The following TAAR5 variants were observed in gnomAD, a reference collection of about 807,000 sequenced individuals.
TAAR5 encodes the protein trace amine-associated receptor 5.
In TAAR5, 27 loss-of-function variants were observed where a neutral mutation model predicts 21.1. The observed-to-expected ratio is 1.28, with a 90% CI of 0.94 to 1.76. TAAR5 has a LOEUF of 1.76. TAAR5 is among the 40% of genes most tolerant of loss of function. The pLI is 0.00. For synonymous variants in TAAR5, 203 were observed against 167.5 expected (o/e 1.21, Z -1.64); for missense variants, 495 against 405.6 (o/e 1.22, Z -1.89).
chr6:132,593,696 G>C (rs1776937993), upstream of TAAR5, among the ~76,000 whole-genome samples: 1 of 152,190 alleles, frequency 6.6e-6, no homozygotes, highest in African/African-American at 2.4e-5. Context: ...TCCCCACTAT[G>C]TGTACACACA....
upstream of TAAR5, among the ~76,000 whole-genome samples, chr6:132,590,139 A>T (rs1181858372): frequency 6.6e-6 from 1 of 152,216 alleles, no homozygotes; most frequent in African/African-American, 2.4e-5. Context: ...GAACCAAGTG[A>T]CCAATTAATT....
the TAAR5 span, among the ~76,000 whole-genome samples, chr6:132,607,144 G>A: frequency 3.9e-5 from 6 of 152,200 alleles, no homozygotes; most frequent in East Asian, 1.9e-4. Flanking sequence ...GCAGTGAGCC[G>A]AGATTGTGCC....
rs773257044 is a variant in TAAR5 at position 132,589,481 on chromosome 6, G to T, written c.206C>A (p.Thr69Asn). 3.1e-6 allele frequency: 5 copies of T among 1,613,964 alleles called. No individual in the cohort carries two copies. The highest frequency in any genetic ancestry group is 1.7e-5 in the Admixed American group (1 of 60,002). The change falls in exon 1 of 1, where the codon ACC (threonine) becomes AAC (asparagine). Residue 69 changes from threonine to asparagine, a missense_variant. Transcript: ENST00000258034. ...VSYFKALHTP[T>N]NFLLLSLALA... ...GGCCAGGGAGAGCAGCAGGAAGTTG[G>T]TGGGCGTGTGAAGCGCTTTGAAGTA...
rs764714090 is a variant in TAAR5 at position 132,589,524 on chromosome 6, C to T, written c.163G>A (p.Val55Met). The T allele has an allele frequency of 4.3e-6, 7 of 1,613,974 alleles. No homozygotes were observed. Among genetic ancestry groups the T allele is most frequent in the Non-Finnish European group, 5.9e-6 (7 of 1,179,954 alleles). ...MLIIVLGNVF[V>M]AFAVSYFKAL... is the part of the protein sequence containing the mutation. Reference sequence around the variant, plus strand: ...TTGAAGTAGGACACAGCAAATGCCACAAATACATTCCCTAGCACGATAATC... The same window carrying T: ...TTGAAGTAGGACACAGCAAATGCCATAAATACATTCCCTAGCACGATAATC... The change falls in exon 1 of 1, where the codon GTG (valine) becomes ATG (methionine). Residue 55 changes from valine to methionine, a missense_variant. Transcript: ENST00000258034.
chr6:132,602,675 C>T, the TAAR5 span, among the ~76,000 whole-genome samples: 8 of 151,086 alleles, frequency 5.3e-5, no homozygotes, highest in Admixed American at 2.0e-4. Flanking sequence ...TCTAAAGGAC[C>T]CTTATCTTTA....
At chr6:132,604,358 G>A in the TAAR5 span, among the ~76,000 whole-genome samples, 1 of 151,894 alleles carries the variant, frequency 6.6e-6, no homozygotes, top group Admixed American at 6.6e-5. Flanking sequence ...GGCCAAGACG[G>A]TCTTGATCTC....
Position 132,589,177 on chromosome 6 carries a change from G to A in TAAR5, c.510C>T (p.Leu170=). The A allele has an allele frequency of 1.2e-6, 2 of 1,607,550 alleles. No homozygotes were observed. Among genetic ancestry groups the A allele is most frequent in the South Asian group, 1.1e-5 (1 of 89,490 alleles). The change falls in exon 1 of 1, where the codon CTC becomes CTT. Residue 170 remains leucine, a synonymous_variant. Coordinates refer to ENST00000258034, the MANE Select transcript of TAAR5 (RefSeq NM_003967.3). Reference sequence around the variant, plus strand: ...GCCTTGTCTCTACCACATCTGTGTAGAGGAATAACGAAGTGTATGCTGCGG... The same window carrying A: ...GCCTTGTCTCTACCACATCTGTGTAAAGGAATAACGAAGTGTATGCTGCGG... The part of the protein sequence containing the change: ...GVPAAYTSLF[L]YTDVVETRLS...
At chr6:132,598,917 C>T in the TAAR5 span, among the ~76,000 whole-genome samples, 1 of 151,000 alleles carries the variant, frequency 6.6e-6, no homozygotes, top group Non-Finnish European at 1.5e-5. Flanking sequence ...AAATACAACC[C>T]ATGCTCCGTC....
the TAAR5 span, among the ~76,000 whole-genome samples, chr6:132,600,370 C>A: frequency 6.6e-6 from 1 of 152,100 alleles, no homozygotes; most frequent in Non-Finnish European, 1.5e-5. Context: ...GGAAAGAACT[C>A]AAATGTTTCA....
Position 132,588,902 on chromosome 6 carries a change from A to G in TAAR5, c.785T>C (p.Leu262Pro), listed in dbSNP as rs746154402. Residue 262 changes from leucine (L) to proline (P), a missense_variant, in exon 1 of 1, where the codon CTC becomes CCC. Physicochemically the swap from Leu to Pro is moderately conservative, Grantham distance 98. Coordinates refer to ENST00000258034, the MANE Select transcript of TAAR5 (RefSeq NM_003967.3). ...KTLGIAVGIY[L>P]LCWLPFTIDT... ...TATGGTGAAGGGCAGCCAGCACAAGAGGTATATGCCCACAGCAATGCCCAG... is the reference window on the plus strand; with the variant it reads ...TATGGTGAAGGGCAGCCAGCACAAGGGGTATATGCCCACAGCAATGCCCAG... 2 of 1,614,100 alleles carry G rather than the reference A, an allele frequency of 1.2e-6. No homozygotes were observed. Among genetic ancestry groups the G allele is most frequent in the South Asian group, 2.2e-5 (2 of 91,082 alleles).
At chr6:132,601,511 C>G in the TAAR5 span, among the ~76,000 whole-genome samples, 1 of 152,150 alleles carries the variant, frequency 6.6e-6, no homozygotes, top group Non-Finnish European at 1.5e-5. Context: ...TGATATAATA[C>G]AATCACTGAC....
upstream of TAAR5, among the ~76,000 whole-genome samples, chr6:132,593,300 T>C (rs907863757): frequency 1.3e-5 from 2 of 152,228 alleles, no homozygotes; most frequent in African/African-American, 2.4e-5. Context: ...TGAGTGGCTA[T>C]GGTCCCTCCT....
upstream of TAAR5, among the ~76,000 whole-genome samples, chr6:132,592,870 T>C (rs61120361): frequency 0.037 from 5,646 of 152,274 alleles, 219 homozygotes; most frequent in South Asian, 0.1. Flanking sequence ...CCGGCTCTTC[T>C]TCCTCTCTGC....
the TAAR5 span, among the ~76,000 whole-genome samples, chr6:132,600,936 GGAAGGAGGGAAA>G: frequency 9.7e-5 from 11 of 112,962 alleles, no homozygotes; most frequent in Admixed American, 2.7e-4. Context: ...AGGGAAGGAG[GGAAGGAGGGAAA>G]GAAAGAAGGA....
chr6:132,609,017 T>C, the TAAR5 span: 1 of 455,868 alleles, frequency 2.2e-6, no homozygotes, highest in East Asian at 7.0e-5. Context: ...CGCATTATGC[T>C]GTATGGCATA....
At chr6:132,601,943 G>A in the TAAR5 span, among the ~76,000 whole-genome samples, 2 of 152,176 alleles carry the variant, frequency 1.3e-5, no homozygotes, top group African/African-American at 2.4e-5. Flanking sequence ...AGATTAAGGA[G>A]AGACTTATTT....
At chr6:132,600,794 AGGGG>A in the TAAR5 span, among the ~76,000 whole-genome samples, 44 of 133,526 alleles carry the variant, frequency 3.3e-4, no homozygotes, top group Middle Eastern at 4.0e-3. Context: ...GGAGGGAAGG[AGGGG>A]AGGAAGGAAG....
At chr6:132,608,124 T>C in the TAAR5 span, 1 of 352,856 alleles carries the variant, frequency 2.8e-6, no homozygotes, top group Admixed American at 4.0e-5. Flanking sequence ...ACACTTAACG[T>C]TGATTACTGA....
chr6:132,599,944 C>G, the TAAR5 span, among the ~76,000 whole-genome samples: 1 of 152,028 alleles, frequency 6.6e-6, no homozygotes, highest in Non-Finnish European at 1.5e-5. Context: ...GTTTAAAATA[C>G]ATTTGAAAAC....
Sources: allele counts gnomAD v4.1 joint callset (sites outside exome capture counted in the v4.1 genomes callset), GRCh38; gene constraint gnomAD v4.1.1; transcripts MANE v1.5; gene names NCBI Gene and HGNC (gene_info 2026-07-23, HGNC 2026-07-21).